Variants in PIGL observed in about 807,000 individuals in gnomAD.
The protein encoded by PIGL is N-acetylglucosaminyl-phosphatidylinositol de-N-acetylase.
A neutral mutation model predicts 31.1 loss-of-function variants in PIGL; 22 were observed. The ratio of observed to expected loss-of-function variants is 0.71; its 90% CI spans 0.51 to 1.01. PIGL has a LOEUF of 1.01. PIGL is among the 50% of genes least tolerant of loss of function. The pLI is 0.00. For missense variants in PIGL, 302 were observed against 315.9 expected, an observed-to-expected ratio of 0.96 and a Z score of 0.33; for synonymous variants, 131 against 117.4, an observed-to-expected ratio of 1.12 and a Z score of -0.75.
intron 6 of PIGL, among the ~76,000 whole-genome samples, chr17:16,322,979 A>G (rs539514127): frequency 6.6e-6 from 1 of 152,336 alleles, no homozygotes; most frequent in South Asian, 2.1e-4. Flanking sequence ...AGCATGAGTT[A>G]CAGTGCCATT....
At chr17:16,307,982 C>G (rs1165531440) in intron 3 of PIGL, among the ~76,000 whole-genome samples, 1 of 147,622 alleles carries the variant, frequency 6.8e-6, no homozygotes, top group African/African-American at 2.5e-5. Flanking sequence ...AAAAAAAAAG[C>G]CTGGATGCAG....
intron 3 of PIGL, among the ~76,000 whole-genome samples, chr17:16,307,793 C>T (rs2093032213): frequency 6.6e-6 from 1 of 151,932 alleles, no homozygotes; most frequent in Non-Finnish European, 1.5e-5. Flanking sequence ...ATGACAAGAC[C>T]TTGTCTTTAC....
At chr17:16,228,000 A>G (rs977413215) in intron 1 of PIGL, among the ~76,000 whole-genome samples, 1 of 151,354 alleles carries the variant, frequency 6.6e-6, no homozygotes, top group African/African-American at 2.4e-5. Context: ...AGTTTTTAAT[A>G]TTATTTAAAT....
intron 2 of PIGL, among the ~76,000 whole-genome samples, chr17:16,243,149 C>G (rs894855638): frequency 3.9e-5 from 6 of 152,134 alleles, no homozygotes; most frequent in African/African-American, 1.2e-4. Flanking sequence ...CTCTCGGGTT[C>G]AAGCAATTCT....
At chr17:16,237,672 G>A (rs936576736) in intron 2 of PIGL, among the ~76,000 whole-genome samples, 5 of 151,306 alleles carry the variant, frequency 3.3e-5, no homozygotes, top group African/African-American at 1.2e-4. Flanking sequence ...ATGGTGGCAT[G>A]CCCGAAATCC....
intron 1 of PIGL, 120 bp downstream of exon 1, chr17:16,217,581 G>A: frequency 5.1e-6 from 4 of 791,322 alleles, no homozygotes. Context: ...TACACCGAAG[G>A]TCTTACCTCT....
At chr17:16,307,995 GCTCA>G (rs1474539139) in intron 3 of PIGL, among the ~76,000 whole-genome samples, 2 of 151,172 alleles carry the variant, frequency 1.3e-5, no homozygotes, top group Non-Finnish European at 2.9e-5. Context: ...GGATGCAGTG[GCTCA>G]CTATTTTTAA....
rs764984 is a variant in PIGL, at chr17:16,313,674, G to T, written c.494+60G>T. The stretch of plus-strand genomic sequence containing the variant: ...TTTGTTTATTTGATTAGGGCTCATG[G>T]TTTAAAGTCTAAAGCACTTTCCCAC... On this transcript the variant is annotated intron_variant, in intron 4 of 6. Coordinates refer to ENST00000225609, the MANE Select transcript of PIGL (RefSeq NM_004278.4). 4.6e-6 allele frequency: 6 copies of T among 1,302,744 alleles called. No individual in the cohort carries two copies. In the Admixed American group the frequency reaches 1.0e-4, roughly 22 times the overall value. 80.7% of individuals were successfully genotyped at this position (1,302,744 alleles called of 1,614,324 possible). A position where few individuals can be genotyped will look rare whatever the true frequency, so the allele number is the denominator to read the frequency against.
chr17:16,290,173 C>T (rs1458846249), intron 2 of PIGL, among the ~76,000 whole-genome samples: 1 of 151,804 alleles, frequency 6.6e-6, no homozygotes, highest in African/African-American at 2.4e-5. Context: ...ACCTCCGCCT[C>T]CTGGGTTCAA....
chr17:16,285,014 T>A (rs2092931397), intron 2 of PIGL, among the ~76,000 whole-genome samples: 1 of 152,186 alleles, frequency 6.6e-6, no homozygotes, highest in African/African-American at 2.4e-5. Context: ...GACAGGATCT[T>A]ACTAATGTTG....
Position 16,278,213 on chromosome 17 carries a change from G to A in PIGL, c.336-21675G>A, listed in dbSNP as rs139318080. Among the ~76,000 whole-genome samples, 135 of 152,182 alleles carry A rather than the reference G, an allele frequency of 8.9e-4. 3 individuals are homozygous for A. The East Asian group carries it at 0.023, about 26-fold the overall frequency. On this transcript the variant is annotated intron_variant, in intron 2 of 6. Coordinates refer to ENST00000225609, the MANE Select transcript of PIGL (RefSeq NM_004278.4). The stretch of plus-strand genomic sequence containing the variant: ...TGGGATTACAAGTGTGAGCCACCAC[G>A]CCTGGCTAATTTTTGTATTTTTAGT...
Position 16,295,865 on chromosome 17 carries a change from G to A in PIGL, c.336-4023G>A, listed in dbSNP as rs181521564. ...CTGAGGCAAGAGAATCACTTGAACCGGGGAGGCAGAGGTTGCAGTGAGCTA... is the reference window on the plus strand; with the variant it reads ...CTGAGGCAAGAGAATCACTTGAACCAGGGAGGCAGAGGTTGCAGTGAGCTA... On this transcript the variant is annotated intron_variant, in intron 2 of 6. Coordinates refer to ENST00000225609, the MANE Select transcript of PIGL (RefSeq NM_004278.4). Among the ~76,000 whole-genome samples, 18 of 152,138 alleles carry A rather than the reference G, an allele frequency of 1.2e-4. No homozygotes were observed. In the East Asian group the frequency reaches 2.7e-3, roughly 23 times the overall value.
At chr17:16,234,370 C>A (rs981387113) in intron 2 of PIGL, among the ~76,000 whole-genome samples, 3 of 151,940 alleles carry the variant, frequency 2.0e-5, no homozygotes, top group Non-Finnish European at 4.4e-5. Context: ...TCACTTGAAC[C>A]CAGGAGTTGG....
chr17:16,238,444 T>TC (rs1242211873), intron 2 of PIGL, among the ~76,000 whole-genome samples: 1 of 147,894 alleles, frequency 6.8e-6, no homozygotes, highest in Non-Finnish European at 1.5e-5. Context: ...TTTCTTTTTT[T>TC]TTTTTTTTTG....
intron 6 of PIGL, among the ~76,000 whole-genome samples, chr17:16,320,199 A>AAG (rs1302141572): frequency 1.7e-5 from 2 of 114,988 alleles, no homozygotes; most frequent in African/African-American, 6.4e-5. Context: ...AGTGAGAGAA[A>AAG]GAAAAGGAAG....
At chr17:16,254,749 C>G (rs1214237331) in intron 2 of PIGL, among the ~76,000 whole-genome samples, 4 of 152,186 alleles carry the variant, frequency 2.6e-5, no homozygotes, top group Admixed American at 1.3e-4. Context: ...GGACTACAGG[C>G]GCCCACCACC....
chr17:16,306,758 A>G (rs563371586), intron 3 of PIGL, among the ~76,000 whole-genome samples: 1 of 151,874 alleles, frequency 6.6e-6, no homozygotes, highest in Admixed American at 6.6e-5. Context: ...CGAACCCCCA[A>G]CCTCAGGTGA....
At chr17:16,277,486 G>C (rs112000486) in intron 2 of PIGL, among the ~76,000 whole-genome samples, 5,627 of 150,606 alleles carry the variant, frequency 0.037, 352 homozygotes, top group African/African-American at 0.13. Flanking sequence ...AAAAACAAAA[G>C]AAAGGATCAG....
intron 2 of PIGL, among the ~76,000 whole-genome samples, chr17:16,288,228 C>T (rs577763779): frequency 1.3e-5 from 2 of 152,180 alleles, no homozygotes; most frequent in African/African-American, 2.4e-5. Flanking sequence ...TCTTTCGAGA[C>T]GAAGTCTCAC....
Sources: gnomAD v4.1 joint callset for allele counts (sites outside exome capture counted in the v4.1 genomes callset) on GRCh38, gnomAD v4.1.1 for gene constraint, MANE v1.5 for transcripts, NCBI Gene and HGNC (gene_info 2026-07-23, HGNC 2026-07-21) for gene names.